Variants in PSMB10 observed in about 807,000 individuals in gnomAD.
The protein encoded by PSMB10 is proteasome subunit beta type-10.
In PSMB10, 29 loss-of-function variants were observed where a neutral mutation model predicts 29.8. That is an observed-to-expected ratio of 0.97 (90% CI 0.73 to 1.33). PSMB10 has a LOEUF of 1.33. Among genes scored for constraint, PSMB10 ranks in the 40% most tolerant of loss-of-function variants. PSMB10 has a pLI of 0.00. For missense variants in PSMB10, 327 were observed against 369.2 expected, an observed-to-expected ratio of 0.89 and a Z score of 0.94; for synonymous variants, 157 against 164.7, an observed-to-expected ratio of 0.95 and a Z score of 0.36.
At chr16:67,935,228 G>A (rs2058258254) in intron 6 of PSMB10, 192 bp downstream of exon 6, 5 of 752,160 alleles carry the variant, frequency 6.6e-6, no homozygotes, top group African/African-American at 1.8e-5. Context: ...ACTTCTCCCA[G>A]CCGTGCAGGC....
At position 67,935,699 on chromosome 16, in the gene PSMB10, T is replaced by A. The variant is rs2058260477; in HGVS notation, c.384-2A>T. On this transcript the variant is annotated splice_acceptor_variant, in intron 4 of 7. Transcript: ENST00000358514. LOFTEE classifies it high-confidence loss of function. ...GATGCACCCACGTGGCCCTGGTACC[T>A]GCTCGAGGATGGGCGGGGTCGGCCA... 1 of 1,613,096 alleles carries A rather than the reference T, an allele frequency of 6.2e-7. No individual in the cohort carries two copies. Among genetic ancestry groups the A allele is most frequent in the African/African-American group, 1.3e-5 (1 of 74,922 alleles).
At position 67,934,696 on chromosome 16, in the gene PSMB10, T is replaced by C. The variant is rs1247097310; in HGVS notation, c.711-25A>G. On this transcript the variant is annotated intron_variant, in intron 7 of 7. Transcript: ENST00000358514. The surrounding 1 kb of genome is among the most constrained non-coding windows in gnomAD (Gnocchi z 4.3). ...CCTGGGAGGGAGGAGGGACAGCCTCTGAACATGGGCCTGTCATGTGGCCCA... is the reference window on the plus strand; with the variant it reads ...CCTGGGAGGGAGGAGGGACAGCCTCCGAACATGGGCCTGTCATGTGGCCCA... 6.2e-7 allele frequency: 1 copy of C among 1,613,410 alleles called. No individual in the cohort carries two copies. The highest frequency in any genetic ancestry group is 1.1e-5 in the South Asian group (1 of 91,058).
chr16:67,935,086 G>T, intron 6 of PSMB10, 138 bp from the exon 7 acceptor site: 2 of 1,192,028 alleles, frequency 1.7e-6, no homozygotes, highest in Non-Finnish European at 2.3e-6. Flanking sequence ...CTGAGCCTTA[G>T]CCACCTCTGA....
At chr16:67,935,150 T>A in intron 6 of PSMB10, 1 of 736,552 alleles carries the variant, frequency 1.4e-6, no homozygotes, top group Non-Finnish European at 2.2e-6. Context: ...CTCCAGACGT[T>A]GATATAAGTA....
chr16:67,935,979 G>C lies in PSMB10; in HGVS notation c.367C>G (p.Arg123Gly). 1 of 1,611,072 alleles carries C rather than the reference G, an allele frequency of 6.2e-7. No individual in the cohort carries two copies. The highest frequency in any genetic ancestry group is 8.5e-7 in the Non-Finnish European group (1 of 1,178,364). Reference sequence around the variant, plus strand: ...CCCCCGCACCTGAAGAGCGTCTGGCGCAGGATGCGAGTGACCGTGGCCACG... The same window carrying C: ...CCCCCGCACCTGAAGAGCGTCTGGCCCAGGATGCGAGTGACCGTGGCCACG... Reference protein sequence around the residue: ...PRVATVTRILRQTLFRYQGHV... With the variant: ...PRVATVTRILGQTLFRYQGHV... The change falls in exon 4 of 8, where the codon CGC becomes GGC. Residue 123 changes from arginine to glycine, a missense_variant. Coordinates refer to ENST00000358514, the MANE Select transcript of PSMB10 (RefSeq NM_002801.4).
At chr16:67,936,351 G>C (rs1165824139) in intron 2 of PSMB10, 39 bp from the exon 3 acceptor site, 1 of 1,610,714 alleles carries the variant, frequency 6.2e-7, no homozygotes, top group African/African-American at 1.3e-5. Flanking sequence ...GTGCCTGCTC[G>C]ATACTCTCGG....
Position 67,936,444 on chromosome 16 carries a change from G to A in PSMB10, c.98C>T (p.Pro33Leu), listed in dbSNP as rs776769234. Reference sequence around the variant, plus strand: ...GGTGGTCCCGGTCTTGCGTGCGTGAGGGACCTTGAGCCCCGGGAGGACGCG... The same window carrying A: ...GGTGGTCCCGGTCTTGCGTGCGTGAAGGACCTTGAGCCCCGGGAGGACGCG... ...LERVLPGLKVPHARKTGTTIA... is the reference protein window; with the variant it reads ...LERVLPGLKVLHARKTGTTIA... The change falls in exon 2 of 8, where the codon CCT (proline) becomes CTT (leucine). Residue 33 changes from proline to leucine, a missense_variant. Physicochemically the swap from Pro to Leu is moderately conservative, Grantham distance 98. Transcript: ENST00000358514. 1.9e-6 allele frequency: 3 copies of A among 1,613,542 alleles called. No individual in the cohort carries two copies. Among genetic ancestry groups the A allele is most frequent in the Non-Finnish European group, 2.5e-6 (3 of 1,179,952 alleles).
chr16:67,936,377 C>T (rs975768216), intron 2 of PSMB10, 21 bp downstream of exon 2: 3 of 1,611,206 alleles, frequency 1.9e-6, no homozygotes, highest in Middle Eastern at 1.6e-4. Context: ...CTCCAGCTCC[C>T]CGTCCCTCCC....
rs775524615 is a variant in PSMB10 at position 67,934,911 on chromosome 16, G to T, written c.596C>A (p.Thr199Asn). 1 of 1,613,130 alleles carries T rather than the reference G, an allele frequency of 6.2e-7. No individual in the cohort carries two copies. Among genetic ancestry groups the T allele is most frequent in the Admixed American group, 1.7e-5 (1 of 60,020 alleles). The change falls in exon 7 of 8, where the codon ACC becomes AAC. Residue 199 changes from threonine to asparagine, a missense_variant. Coordinates refer to ENST00000358514, the MANE Select transcript of PSMB10 (RefSeq NM_002801.4). The surrounding 1 kb of genome is among the most constrained non-coding windows in gnomAD (Gnocchi z 4.3). Reference sequence around the variant, plus strand: ...GCCCAGGTCACCCAAGATCCCGGCGGTGACGGCTTCCACCAGCAGCCCCTG... The same window carrying T: ...GCCCAGGTCACCCAAGATCCCGGCGTTGACGGCTTCCACCAGCAGCCCCTG... ...AAQGLLVEAV[T>N]AGILGDLGSG...
At position 67,935,908 on chromosome 16, in the gene PSMB10, T is replaced by C; in HGVS notation, c.383+55A>G. The C allele has an allele frequency of 3.2e-6, 5 of 1,575,206 alleles. No individual in the cohort carries two copies. In the South Asian group the frequency reaches 4.6e-5, roughly 14 times the overall value. On this transcript the variant is annotated intron_variant, in intron 4 of 7. Coordinates refer to ENST00000358514, the MANE Select transcript of PSMB10 (RefSeq NM_002801.4). ...CCCTTCTTTCTGTCCCGCCTTCCAA[T>C]GGCCCCAACCCCGTAACTACCCCTG...
rs2058256484 is a variant in PSMB10 at position 67,934,820 on chromosome 16, G to A, written c.687C>T (p.Ser229=). Residue 229 remains serine (S), a synonymous_variant, in exon 7 of 8, where the codon AGC becomes AGT. Transcript: ENST00000358514. The surrounding 1 kb of genome is among the most constrained non-coding windows in gnomAD (Gnocchi z 4.3). ...KTGAKLLRTL[S]SPTEPVKRSG... The stretch of plus-strand genomic sequence containing the variant: ...ACCTCTTCACGGGCTCTGTGGGTGA[G>A]CTCAGTGTCCGCAGCAGCTTGGCGC... 6.2e-7 allele frequency: 1 copy of A among 1,613,912 alleles called. No homozygotes were observed. Among genetic ancestry groups the A allele is most frequent in the Admixed American group, 1.7e-5 (1 of 59,992 alleles).
Position 67,935,429 on chromosome 16 carries a change from C to A in PSMB10, c.549G>T (p.Pro183=). 1 of 1,613,998 alleles carries A rather than the reference C, an allele frequency of 6.2e-7. No individual in the cohort carries two copies. The highest frequency in any genetic ancestry group is 8.5e-7 in the Non-Finnish European group (1 of 1,180,040). ...GACAGAGGCCGCTCACCGTCATGTT[C>A]GGCTGGAACCGGTCTTCTAGCACCG... ...ALAVLEDRFQ[P]NMTLEAAQGL... Residue 183 remains proline, a synonymous_variant, in exon 6 of 8, where the codon CCG becomes CCT. Transcript: ENST00000358514.
In PSMB10 at chr16:67,934,878, C is replaced by T. The variant is rs771508650; in HGVS notation, c.629G>A (p.Gly210Asp). The T allele has an allele frequency of 9.3e-6, 15 of 1,613,796 alleles. No homozygotes were observed. The Middle Eastern group carries it at 6.6e-4, about 71-fold the overall frequency. Reference sequence around the variant, plus strand: ...TGTGATCACACATGCGTCCACATTGCCCCCGGAGCCCAGGTCACCCAAGAT... The same window carrying T: ...TGTGATCACACATGCGTCCACATTGTCCCCGGAGCCCAGGTCACCCAAGAT... ...AGILGDLGSG[G>D]NVDACVITKT... The change falls in exon 7 of 8, where the codon GGC (glycine) becomes GAC (aspartate). Residue 210 changes from glycine to aspartate, a missense_variant. By Grantham distance (94) the Gly-to-Asp change is moderately conservative (BLOSUM62 -1). Coordinates refer to ENST00000358514, the MANE Select transcript of PSMB10 (RefSeq NM_002801.4). The surrounding 1 kb of genome is among the most constrained non-coding windows in gnomAD (Gnocchi z 4.3).
At chr16:67,935,543 CAG>C (rs768905112) in intron 5 of PSMB10, 37 bp downstream of exon 5, 97 of 1,613,844 alleles carry the variant, frequency 6.0e-5, no homozygotes, top group Non-Finnish European at 7.6e-5. Flanking sequence ...GCCAAGGTCA[CAG>C]GGGCAGAGTT....
At position 67,936,401 on chromosome 16, in the gene PSMB10, G is replaced by A; in HGVS notation, c.141C>T (p.Phe47=). ...KTGTTIAGLV[F]QDGVILGADT... is the part of the protein sequence containing the mutation. Reference sequence around the variant, plus strand: ...CCCGTCCCTCCCCGCTGCTCACTTGGAACACCAGGCCCGCGATGGTGGTCC... The same window carrying A: ...CCCGTCCCTCCCCGCTGCTCACTTGAAACACCAGGCCCGCGATGGTGGTCC... The change falls in exon 2 of 8, where the codon TTC becomes TTT. Residue 47 remains phenylalanine (F), a synonymous_variant. Coordinates refer to ENST00000358514, the MANE Select transcript of PSMB10 (RefSeq NM_002801.4). 1 of 1,613,194 alleles carries A rather than the reference G, an allele frequency of 6.2e-7. No individual in the cohort carries two copies. The highest frequency in any genetic ancestry group is 1.3e-5 in the African/African-American group (1 of 74,978).
In PSMB10 at chr16:67,936,384, T is replaced by A. The variant is rs1389175580; in HGVS notation, c.144+14A>T. 1.2e-6 allele frequency: 2 copies of A among 1,611,508 alleles called. No homozygotes were observed. The highest frequency in any genetic ancestry group is 1.7e-6 in the Non-Finnish European group (2 of 1,178,506). On this transcript the variant is annotated intron_variant, in intron 2 of 7. Coordinates refer to ENST00000358514, the MANE Select transcript of PSMB10 (RefSeq NM_002801.4). The stretch of plus-strand genomic sequence containing the variant: ...CGGCTCCCCTCCAGCTCCCCGTCCC[T>A]CCCCGCTGCTCACTTGGAACACCAG...
In PSMB10 at chr16:67,936,684, C is replaced by G; in HGVS notation, c.56+10G>C. The G allele has an allele frequency of 6.4e-7, 1 of 1,550,758 alleles. No homozygotes were observed. Among genetic ancestry groups the G allele is most frequent in the Non-Finnish European group, 8.7e-7 (1 of 1,146,748 alleles). ...CTCAGGAGTGACCGCCCCCCGCGCC[C>G]CCGCTTCACCTTTGGCAGTTCTCGA... is the stretch of plus-strand genomic sequence containing the variant. On this transcript the variant is annotated intron_variant, in intron 1 of 7. Coordinates refer to ENST00000358514, the MANE Select transcript of PSMB10 (RefSeq NM_002801.4).
In PSMB10 at chr16:67,936,806, G is replaced by A; in HGVS notation, c.-57C>T. 1 of 1,454,886 alleles carries A rather than the reference G, an allele frequency of 6.9e-7. No homozygotes were observed. Among genetic ancestry groups the A allele is most frequent in the African/African-American group, 1.4e-5 (1 of 70,766 alleles). 90.1% of individuals were successfully genotyped at this position (1,454,886 alleles called of 1,614,324 possible). A position where few individuals can be genotyped will look rare whatever the true frequency, so the allele number is the denominator to read the frequency against. On this transcript the variant is annotated 5_prime_UTR_variant, in exon 1 of 8. Coordinates refer to ENST00000358514, the MANE Select transcript of PSMB10 (RefSeq NM_002801.4). Reference sequence around the variant, plus strand: ...GGGCGGATGAGTCGGCCAGACAAGCGGGGCCAGTGAGCAGCTAAAAAGTCC... The same window carrying A: ...GGGCGGATGAGTCGGCCAGACAAGCAGGGCCAGTGAGCAGCTAAAAAGTCC...
rs554987140 is a variant in PSMB10 at position 67,935,126 on chromosome 16, A to G, written c.559-178T>C. ...ACATCACCTGCTTCCATCCCACCCCAAACAAAATCTAGGCTCCAGACGTTG... is the reference window on the plus strand; with the variant it reads ...ACATCACCTGCTTCCATCCCACCCCGAACAAAATCTAGGCTCCAGACGTTG... On this transcript the variant is annotated intron_variant, in intron 6 of 7. Transcript: ENST00000358514. The G allele has an allele frequency of 1.4e-4, 118 of 832,554 alleles. No homozygotes were observed. The African/African-American group carries it at 1.9e-3, about 13-fold the overall frequency. 51.6% of individuals were successfully genotyped at this position (832,554 alleles called of 1,614,324 possible).
Sources: allele counts gnomAD v4.1 joint callset, GRCh38; gene constraint gnomAD v4.1.1; non-coding constraint Gnocchi (gnomAD v3.1); transcripts MANE v1.5; gene names NCBI Gene and HGNC (gene_info 2026-07-23, HGNC 2026-07-21).